TRPM2: variants seen among roughly 807,000 people sequenced by gnomAD.
The protein encoded by TRPM2 is transient receptor potential cation channel subfamily M member 2.
TRPM2 carries 161 observed loss-of-function variants against 174.0 expected under a neutral mutation model. The observed-to-expected ratio is 0.93, with a 90% CI of 0.81 to 1.05. TRPM2 has a LOEUF of 1.05. Ranked by LOEUF, TRPM2 falls within the 50% of genes least tolerant of loss-of-function variation. TRPM2 has a pLI of 0.00. For missense variants in TRPM2, 2,057 were observed against 2,038.0 expected, an observed-to-expected ratio of 1.01 and a Z score of -0.18; for synonymous variants, 954 against 861.3, an observed-to-expected ratio of 1.11 and a Z score of -1.88.
At chr21:44,361,270 G>A (rs955593043) in intron 2 of TRPM2, among the ~76,000 whole-genome samples, 20 of 152,106 alleles carry the variant, frequency 1.3e-4, no homozygotes, top group African/African-American at 4.8e-5. Context: ...GCGCCACCAC[G>A]CCTGGCTAAT....
intron 18 of TRPM2, 130 bp downstream of exon 18, chr21:44,406,167 C>T: frequency 8.4e-7 from 1 of 1,194,544 alleles, no homozygotes; most frequent in Non-Finnish European, 1.2e-6. Flanking sequence ...CCTGCTTTGC[C>T]CCTTGGGCTC....
intron 2 of TRPM2, among the ~76,000 whole-genome samples, chr21:44,361,259 T>A (rs897331148): frequency 6.6e-6 from 1 of 152,140 alleles, no homozygotes; most frequent in East Asian, 1.9e-4. Context: ...ACTACAGGCA[T>A]GCGCCACCAC....
At chr21:44,396,944 G>A (rs2049447005) in intron 12 of TRPM2, among the ~76,000 whole-genome samples, 1 of 149,542 alleles carries the variant, frequency 6.7e-6, no homozygotes, top group Non-Finnish European at 1.5e-5. Context: ...GTGGAGGGCT[G>A]TGGAGGCTGT....
rs2048011636 is a variant in TRPM2 at position 44,354,894 on chromosome 21, T to C, written c.254+158T>C. On this transcript the variant is annotated intron_variant, in intron 2 of 31. Coordinates refer to ENST00000397928, the MANE Select transcript of TRPM2 (RefSeq NM_003307.4). This position sits in a 1 kb window ranked among gnomAD's most constrained non-coding sequence, Gnocchi z 4.3. ...TTAGAGTCCACAGAGCATTTCCACC[T>C]AACCCTTGCAAGCCTCCTGTCGGGG... Among the ~76,000 whole-genome samples, 1 of 152,176 alleles carries C rather than the reference T, an allele frequency of 6.6e-6. No homozygotes were observed. Among genetic ancestry groups the C allele is most frequent in the Non-Finnish European group, 1.5e-5 (1 of 68,020 alleles).
intron 3 of TRPM2, among the ~76,000 whole-genome samples, chr21:44,364,601 G>A (rs2048306309): frequency 6.6e-6 from 1 of 152,120 alleles, no homozygotes; most frequent in African/African-American, 2.4e-5. Flanking sequence ...CTGGGAGGGA[G>A]TAGGGAGGAA....
At chr21:44,426,249 C>T (rs775260598) in intron 25 of TRPM2, among the ~76,000 whole-genome samples, 24 of 152,136 alleles carry the variant, frequency 1.6e-4, no homozygotes, top group Non-Finnish European at 2.5e-4. Context: ...GCTAATGGCC[C>T]CTGGGAGACC....
intron 5 of TRPM2, among the ~76,000 whole-genome samples, chr21:44,374,074 G>C (rs143540994): frequency 6.6e-6 from 1 of 151,136 alleles, no homozygotes; most frequent in Non-Finnish European, 1.5e-5. Flanking sequence ...GCAGTGGTGC[G>C]ATCTTGGCTC....
chr21:44,397,934 G>T, intron 13 of TRPM2, 58 bp downstream of exon 13: 1 of 1,502,662 alleles, frequency 6.7e-7, no homozygotes, highest in East Asian at 2.4e-5. Flanking sequence ...GCCCTCACCT[G>T]GAGTTCCCAT....
chr21:44,363,110 T>C (rs2048264948), intron 2 of TRPM2, among the ~76,000 whole-genome samples: 1 of 152,238 alleles, frequency 6.6e-6, no homozygotes, highest in East Asian at 1.9e-4. Flanking sequence ...TTTTTGGAAG[T>C]TTAACTGTTG....
chr21:44,364,816 C>G (rs143690586), intron 3 of TRPM2, among the ~76,000 whole-genome samples: 1 of 152,190 alleles, frequency 6.6e-6, no homozygotes, highest in African/African-American at 2.4e-5. Context: ...TGCAGGAGAG[C>G]GCTGTGAGGG....
In TRPM2 at chr21:44,395,396, C is replaced by G. The variant is rs1478869092; in HGVS notation, c.1795-18C>G. 8.7e-6 allele frequency: 14 copies of G among 1,611,806 alleles called. No individual in the cohort carries two copies. The Admixed American group carries it at 2.3e-4, about 27-fold the overall frequency. On this transcript the variant is annotated intron_variant, in intron 11 of 31. Transcript: ENST00000397928. Reference sequence around the variant, plus strand: ...CCAGGCGGCCCGGCTGGGGCTCTGACAGTTCACTGCTCACCAGGTGCAGGG... The same window carrying G: ...CCAGGCGGCCCGGCTGGGGCTCTGAGAGTTCACTGCTCACCAGGTGCAGGG...
intron 2 of TRPM2, among the ~76,000 whole-genome samples, chr21:44,358,895 G>C (rs1662283598): frequency 6.6e-6 from 1 of 152,146 alleles, no homozygotes; most frequent in Admixed American, 6.5e-5. Context: ...CCCAAAGAGT[G>C]AGCAGCAGCA....
chr21:44,382,798 C>A lies in TRPM2; in HGVS notation c.1296C>A (p.Ala432=). 1 of 1,613,636 alleles carries A rather than the reference C, an allele frequency of 6.2e-7. No homozygotes were observed. Among genetic ancestry groups the A allele is most frequent in the Non-Finnish European group, 8.5e-7 (1 of 1,179,904 alleles). ...GKDGQQDVDV[A]ILQALLKASR... is the part of the protein sequence containing the mutation. ...ATGGTCAGCAGGACGTGGATGTGGC[C>A]ATCTTGCAGGCCTTGCTGAAAGGTG... The change falls in exon 9 of 32, where the codon GCC becomes GCA. Residue 432 remains alanine, a synonymous_variant. Transcript: ENST00000397928.
In TRPM2 at chr21:44,400,543, C is replaced by T. The variant is rs1439309182; in HGVS notation, c.2321+172C>T. On this transcript the variant is annotated intron_variant, in intron 15 of 31. Coordinates refer to ENST00000397928, the MANE Select transcript of TRPM2 (RefSeq NM_003307.4). ...TGGGGGTGGGAAGCAGAGCAGGGCC[C>T]CACGTGCTGGAAGCACCTGCCTTGC... Among the ~76,000 whole-genome samples the T allele has an allele frequency of 2.6e-5, 4 of 152,204 alleles. No individual in the cohort carries two copies. In the East Asian group the frequency reaches 7.7e-4, roughly 29 times the overall value.
At chr21:44,382,935 G>A in intron 9 of TRPM2, 115 bp downstream of exon 9, 1 of 1,140,056 alleles carries the variant, frequency 8.8e-7, no homozygotes, top group Non-Finnish European at 1.3e-6. Context: ...TTCCTCCTTG[G>A]TCAGAAACCC....
At chr21:44,382,844 C>A (rs1345402710) in intron 9 of TRPM2, 24 bp downstream of exon 9, 1 of 1,600,104 alleles carries the variant, frequency 6.2e-7, no homozygotes, top group Non-Finnish European at 8.5e-7. Context: ...AACATGGGGG[C>A]AATGGGGTGG....
At chr21:44,431,120 T>A (rs1020610810) in intron 27 of TRPM2, among the ~76,000 whole-genome samples, 1 of 152,094 alleles carries the variant, frequency 6.6e-6, no homozygotes, top group African/African-American at 2.4e-5. Flanking sequence ...GATTTGCTCT[T>A]GATTTGTGTG....
In TRPM2 at chr21:44,366,714, T is replaced by C. The variant is rs765917358; in HGVS notation, c.424-40T>C. On this transcript the variant is annotated intron_variant, in intron 3 of 31. Transcript: ENST00000397928. The surrounding 1 kb of genome is among the most constrained non-coding windows in gnomAD (Gnocchi z 6.0). ...GTGGGTCGGTGCTGTCCCTGACCAC[T>C]GACACACAGGTTCCCTCCGCCGTTT... 1 of 1,612,580 alleles carries C rather than the reference T, an allele frequency of 6.2e-7. No individual in the cohort carries two copies. The highest frequency in any genetic ancestry group is 8.5e-7 in the Non-Finnish European group (1 of 1,179,772).
chr21:44,440,665 G>A (rs1173494895), intron 30 of TRPM2, 124 bp from the exon 31 acceptor site: 11 of 825,234 alleles, frequency 1.3e-5, no homozygotes, highest in Non-Finnish European at 2.1e-5. Context: ...GGGAGAGCTG[G>A]GCCGGGGTCC....
Sources: allele counts gnomAD v4.1 joint callset (sites outside exome capture counted in the v4.1 genomes callset), GRCh38; gene constraint gnomAD v4.1.1; non-coding constraint Gnocchi (gnomAD v3.1); transcripts MANE v1.5; gene names NCBI Gene and HGNC (gene_info 2026-07-23, HGNC 2026-07-21).